Variants in STAU2 observed in about 807,000 individuals in gnomAD.
The protein encoded by STAU2 is staufen double-stranded RNA binding protein 2.
In STAU2, 20 loss-of-function variants were observed where a neutral mutation model predicts 65.9. The observed-to-expected ratio is 0.30, with a 90% confidence interval of 0.21 to 0.44. The LOEUF (loss-of-function observed/expected upper bound fraction) is 0.44. Ranked by LOEUF, STAU2 falls within the 20% of genes least tolerant of loss-of-function variation. The pLI is 1.00. For synonymous variants in STAU2, 232 were observed against 233.9 expected (o/e 0.99, Z 0.07); for missense variants, 558 against 683.9 (o/e 0.82, Z 2.05).
Position 73,707,106 on chromosome 8 carries a change from G to C in STAU2, c.114+1926C>G, listed in dbSNP as rs185280463. On this transcript the variant is annotated intron_variant, in intron 4 of 14. Transcript: ENST00000524300. ...AAAACTGGAGAAATGGCCTTGAAGAGGTGAAACAGGTTGGGATCCAGGACA... is the reference window on the plus strand; with the variant it reads ...AAAACTGGAGAAATGGCCTTGAAGACGTGAAACAGGTTGGGATCCAGGACA... 3.3e-5 allele frequency among the ~76,000 whole-genome samples: 5 copies of C among 152,294 alleles called. No individual in the cohort carries two copies. In the East Asian group the frequency reaches 9.6e-4, roughly 29 times the overall value.
At chr8:73,674,600 A>AT (rs971132343) in intron 5 of STAU2, among the ~76,000 whole-genome samples, 1 of 151,606 alleles carries the variant, frequency 6.6e-6, no homozygotes, top group Non-Finnish European at 1.5e-5. Context: ...TATTCTAAAG[A>AT]TTTTTTTAAA....
At chr8:73,472,292 A>G (rs1820078765) in intron 13 of STAU2, among the ~76,000 whole-genome samples, 1 of 152,244 alleles carries the variant, frequency 6.6e-6, no homozygotes, top group Non-Finnish European at 1.5e-5. Flanking sequence ...GCATGGAGAT[A>G]TAACTGTGAA....
intron 13 of STAU2, among the ~76,000 whole-genome samples, chr8:73,465,587 T>A (rs1278211251): frequency 1.3e-5 from 2 of 152,206 alleles, no homozygotes; most frequent in Non-Finnish European, 2.9e-5. Flanking sequence ...AGGAGAGTGT[T>A]TTTAACCTCT....
At chr8:73,475,283 A>G (rs1243528929) in intron 13 of STAU2, among the ~76,000 whole-genome samples, 3 of 152,142 alleles carry the variant, frequency 2.0e-5, no homozygotes, top group African/African-American at 4.8e-5. Context: ...GTTTTTCAAA[A>G]AAAATGGAGC....
chr8:73,635,042 G>GT (rs1814387696), intron 6 of STAU2, among the ~76,000 whole-genome samples: 2 of 152,192 alleles, frequency 1.3e-5, no homozygotes, highest in African/African-American at 4.8e-5. Context: ...CTCACCACGT[G>GT]TATGTATAAA....
At chr8:73,680,933 TA>T (rs1385357048) in intron 5 of STAU2, among the ~76,000 whole-genome samples, 1 of 151,860 alleles carries the variant, frequency 6.6e-6, no homozygotes, top group African/African-American at 2.4e-5. Context: ...AAAAGAATTT[TA>T]AAAAATGAAC....
rs200202936 is a variant in STAU2, at chr8:73,679,724, C to CA, written c.275-6483dup. Among the ~76,000 whole-genome samples the CA allele has an allele frequency of 3.5e-3, 483 of 137,444 alleles. 3 individuals are homozygous for CA. Among genetic ancestry groups the CA allele is most frequent in the African/African-American group, 9.1e-3 (339 of 37,372 alleles). The allele number at this position is 137,444 out of a possible 152,430, so 90.2% of individuals were successfully genotyped here. ...TGAAACCCTGTTTCTACTAAAAATA[C>CA]AAAAAAAAAAAAAATTAGCTGGGCA... On this transcript the variant is annotated intron_variant, in intron 5 of 14. Coordinates refer to ENST00000524300, the MANE Select transcript of STAU2 (RefSeq NM_001164380.2).
chr8:73,672,605 T>C (rs1817761447), intron 6 of STAU2, among the ~76,000 whole-genome samples: 1 of 152,118 alleles, frequency 6.6e-6, no homozygotes. Context: ...TTAAATATAT[T>C]TAAATGCAAA....
Position 73,564,918 on chromosome 8 carries a change from G to A in STAU2, c.1223-12599C>T, listed in dbSNP as rs1194162626. Among the ~76,000 whole-genome samples the A allele has an allele frequency of 4.6e-5, 7 of 152,280 alleles. No homozygotes were observed. The East Asian group carries it at 1.4e-3, about 29-fold the overall frequency. On this transcript the variant is annotated intron_variant, in intron 12 of 14. Coordinates refer to ENST00000524300, the MANE Select transcript of STAU2 (RefSeq NM_001164380.2). ...GTCCCAGTATGGGTGTCGTGTGTGTGTGTGTGCGCACACGCGTGTGCACAT... is the reference window on the plus strand; with the variant it reads ...GTCCCAGTATGGGTGTCGTGTGTGTATGTGTGCGCACACGCGTGTGCACAT...
intron 11 of STAU2, 149 bp downstream of exon 11, chr8:73,595,017 T>C (rs767419193): frequency 1.3e-5 from 7 of 541,880 alleles, no homozygotes; most frequent in Non-Finnish European, 1.9e-5. Flanking sequence ...TCTTACTCCA[T>C]ATGTTATTTT....
At chr8:73,699,520 G>A (rs544167474) in intron 4 of STAU2, among the ~76,000 whole-genome samples, 15 of 152,056 alleles carry the variant, frequency 9.9e-5, no homozygotes, top group African/African-American at 3.1e-4. Context: ...TCAAAGGATC[G>A]TTAGTGACTA....
intron 5 of STAU2, among the ~76,000 whole-genome samples, chr8:73,685,093 T>C (rs995896479): frequency 6.6e-6 from 1 of 152,168 alleles, no homozygotes; most frequent in Non-Finnish European, 1.5e-5. Context: ...TTTGGCAAGT[T>C]CCTCCTTCAG....
intron 13 of STAU2, among the ~76,000 whole-genome samples, chr8:73,454,444 A>G (rs886558075): frequency 3.9e-5 from 6 of 152,222 alleles, no homozygotes; most frequent in African/African-American, 1.4e-4. Context: ...TCTTGATAAT[A>G]TGATCATAAA....
chr8:73,421,505 G>A (rs1300633889), intron 14 of STAU2, 40 bp from the exon 15 acceptor site: 1 of 1,527,714 alleles, frequency 6.5e-7, no homozygotes, highest in Admixed American at 2.0e-5. Flanking sequence ...AAGGCCTGGG[G>A]TTGCACATCT....
chr8:73,583,824 G>A (rs1810171225), intron 11 of STAU2, among the ~76,000 whole-genome samples: 1 of 152,148 alleles, frequency 6.6e-6, no homozygotes, highest in African/African-American at 2.4e-5. Context: ...ATTCTGAAAT[G>A]TAGATGCTTT....
intron 13 of STAU2, among the ~76,000 whole-genome samples, chr8:73,524,427 T>G (rs1400012799): frequency 6.6e-6 from 1 of 152,172 alleles, no homozygotes; most frequent in Non-Finnish European, 1.5e-5. Context: ...ATCTTTCCCC[T>G]GATCATTTTG....
chr8:73,704,410 T>TA (rs761303738), intron 4 of STAU2, among the ~76,000 whole-genome samples: 10 of 151,900 alleles, frequency 6.6e-5, no homozygotes, highest in Non-Finnish European at 1.5e-4. Context: ...TAAGTCTAAT[T>TA]AAAAAAAAGA....
chr8:73,507,636 C>T (rs969778486), intron 13 of STAU2, among the ~76,000 whole-genome samples: 6 of 152,134 alleles, frequency 3.9e-5, no homozygotes, highest in South Asian at 2.1e-4. Flanking sequence ...GTGCCTTCAC[C>T]GCTAATGAGA....
rs190598224 is a variant in STAU2, at chr8:73,705,228, C to A, written c.114+3804G>T. On this transcript the variant is annotated intron_variant, in intron 4 of 14. Coordinates refer to ENST00000524300, the MANE Select transcript of STAU2 (RefSeq NM_001164380.2). ...ATGAGGTATTATATTACTCCATTTACAGATAAGAAAACTGAGACTTTAAAT... is the reference window on the plus strand; with the variant it reads ...ATGAGGTATTATATTACTCCATTTAAAGATAAGAAAACTGAGACTTTAAAT... Among the ~76,000 whole-genome samples the A allele has an allele frequency of 7.4e-3, 1,122 of 152,236 alleles. 7 individuals are homozygous for A. Among genetic ancestry groups the A allele is most frequent in the Middle Eastern group, 0.027 (8 of 294 alleles).
Sources: allele counts gnomAD v4.1 joint callset (sites outside exome capture counted in the v4.1 genomes callset), GRCh38; gene constraint gnomAD v4.1.1; transcripts MANE v1.5; gene names NCBI Gene and HGNC (gene_info 2026-07-23, HGNC 2026-07-21).